The following COPB1 variants were observed in gnomAD, a reference collection of about 807,000 sequenced individuals.
COPB1 encodes the protein coat protein complex I subunit beta 1, also known as coatomer subunit beta.
COPB1 carries 21 observed loss-of-function variants against 108.7 expected under a neutral mutation model. The ratio of observed to expected loss-of-function variants is 0.19; its 90% CI spans 0.14 to 0.28. The LOEUF is 0.28. COPB1 is among the 10% of genes least tolerant of loss of function. The pLI, the probability that COPB1 is intolerant of heterozygous loss-of-function variation, is 1.00. For synonymous variants in COPB1, 378 were observed against 386.8 expected, an observed-to-expected ratio of 0.98 and a Z score of 0.27; for missense variants, 919 against 1,141.3, an observed-to-expected ratio of 0.81 and a Z score of 2.81.
chr11:14,468,894 T>G, intron 15 of COPB1, 34 bp from the exon 16 acceptor site: 1 of 1,567,464 alleles, frequency 6.4e-7, no homozygotes, highest in Non-Finnish European at 8.7e-7. Flanking sequence ...CTCTCTTTAA[T>G]ATGAAAAGAT....
chr11:14,468,972 A>G (rs1370959969), intron 15 of COPB1, 112 bp from the exon 16 acceptor site: 7 of 893,954 alleles, frequency 7.8e-6, no homozygotes, highest in Non-Finnish European at 1.2e-5. Flanking sequence ...CAAAACAACA[A>G]GAAAACCCAC....
chr11:14,494,013 A>G (rs1430757445), intron 3 of COPB1, among the ~76,000 whole-genome samples, 197 bp downstream of exon 3: 1 of 152,182 alleles, frequency 6.6e-6, no homozygotes, highest in Non-Finnish European at 1.5e-5. Flanking sequence ...TTTTTAATTA[A>G]TATATACACA....
Position 14,474,560 on chromosome 11 carries a change from C to A in COPB1, c.1672G>T (p.Ala558Ser), listed in dbSNP as rs745568272. 3.1e-6 allele frequency: 5 copies of A among 1,613,914 alleles called. No homozygotes were observed. The African/African-American group carries it at 6.7e-5, about 22-fold the overall frequency. The part of the protein sequence containing the change: ...DGDFFVAASL[A>S]TTLTKIALRY... ...AATGCAATCTTGGTCAGAGTTGTGG[C>A]AAGGGAGGCAGCAACAAAGAAATCT... The change falls in exon 14 of 22, where the codon GCC (alanine) becomes TCC (serine). Residue 558 changes from alanine (A) to serine (S), a missense_variant. By Grantham distance (99) the Ala-to-Ser change is moderately conservative. Around this residue, in one of 5 missense-constraint regions of COPB1, gnomAD observed 705 missense variants for 817.8 expected, o/e 0.86. Coordinates refer to ENST00000439561, the MANE Select transcript of COPB1 (RefSeq NM_001144061.2).
chr11:14,470,944 ACTCT>A lies in COPB1; in HGVS notation c.1738-1385_1738-1382del, dbSNP rs1162965849. Among the ~76,000 whole-genome samples, 99 of 90,204 alleles carry A rather than the reference ACTCT, an allele frequency of 1.1e-3. 1 individual carries two copies. Among genetic ancestry groups the A allele is most frequent in the Non-Finnish European group, 1.8e-3 (83 of 45,626 alleles). 59.2% of individuals were successfully genotyped at this position (90,204 alleles called of 152,430 possible). A position where few individuals can be genotyped will look rare whatever the true frequency, so the allele number is the denominator to read the frequency against. On this transcript the variant is annotated intron_variant, in intron 14 of 21. Coordinates refer to ENST00000439561, the MANE Select transcript of COPB1 (RefSeq NM_001144061.2). ...CACACACACACACACACACACACAC[ACTCT>A]CTCTCTCTCTACACCCAGGGAGATA... is the stretch of plus-strand genomic sequence containing the variant.
At chr11:14,475,083 G>T (rs1850491131) in intron 13 of COPB1, among the ~76,000 whole-genome samples, 1 of 90,772 alleles carries the variant, frequency 1.1e-5, no homozygotes, top group Non-Finnish European at 1.9e-5. Context: ...GACAGAGCAA[G>T]ACTCTGTGTC....
chr11:14,497,666 A>G (rs1170777304), intron 2 of COPB1, among the ~76,000 whole-genome samples: 1 of 152,252 alleles, frequency 6.6e-6, no homozygotes, highest in Non-Finnish European at 1.5e-5. Flanking sequence ...GGGGTACCAT[A>G]CGATTCAGCA....
chr11:14,479,149 T>C (rs925968271), intron 11 of COPB1, among the ~76,000 whole-genome samples: 1 of 152,160 alleles, frequency 6.6e-6, no homozygotes, highest in Non-Finnish European at 1.5e-5. Flanking sequence ...ATGCTTTAAA[T>C]GAAGCAAAAT....
intron 2 of COPB1, 46 bp from the exon 3 acceptor site, chr11:14,494,485 A>G: frequency 9.1e-7 from 1 of 1,099,942 alleles, no homozygotes; most frequent in South Asian, 1.4e-5. Context: ...ATTTCAAAAG[A>G]AAATTCATCA....
At chr11:14,487,054 C>T (rs1197281153) in intron 6 of COPB1, among the ~76,000 whole-genome samples, 2 of 152,070 alleles carry the variant, frequency 1.3e-5, no homozygotes, top group African/African-American at 2.4e-5. Context: ...GTTTTTCAAG[C>T]AAGAAAGATA....
At chr11:14,493,566 C>A in intron 4 of COPB1, 76 bp downstream of exon 4, 1 of 1,282,932 alleles carries the variant, frequency 7.8e-7, no homozygotes, top group Non-Finnish European at 1.0e-6. Context: ...AGTCTGCAAG[C>A]AACCACTTTG....
chr11:14,470,055 T>C (rs2597196), intron 14 of COPB1, among the ~76,000 whole-genome samples: 101,278 of 152,110 alleles, frequency 0.67, 33,919 homozygotes, highest in African/African-American at 0.7. Flanking sequence ...CATTTTCTCA[T>C]CTGAAAAATT....
intron 13 of COPB1, among the ~76,000 whole-genome samples, chr11:14,475,293 C>T (rs1392838807): frequency 6.6e-6 from 1 of 152,074 alleles, no homozygotes; most frequent in Non-Finnish European, 1.5e-5. Flanking sequence ...TATATTCTAT[C>T]TCAAAGGCTT....
chr11:14,463,698 C>T (rs1487587817), intron 18 of COPB1, among the ~76,000 whole-genome samples: 6 of 152,152 alleles, frequency 3.9e-5, no homozygotes, highest in Non-Finnish European at 5.9e-5. Context: ...ACTTTAATAC[C>T]GAACCTGCTC....
chr11:14,474,273 T>C (rs935657423), intron 14 of COPB1: 23 of 328,210 alleles, frequency 7.0e-5, no homozygotes, highest in African/African-American at 3.7e-4. Context: ...GACATTGTTA[T>C]TGTATTACTT....
intron 2 of COPB1, among the ~76,000 whole-genome samples, chr11:14,495,480 T>A (rs139793495): frequency 6.6e-6 from 1 of 152,196 alleles, no homozygotes; most frequent in South Asian, 2.1e-4. Flanking sequence ...GAGCGTCAGA[T>A]GCGGTGGTTC....
Position 14,478,019 on chromosome 11 carries a change from C to A in COPB1, c.1359-1004G>T, listed in dbSNP as rs7936938. ...AGCTTCTGTCTCAATAACAAAAAAA[C>A]AAAAAACAAAAACCAACAAGATTCT... On this transcript the variant is annotated intron_variant, in intron 11 of 21. Coordinates refer to ENST00000439561, the MANE Select transcript of COPB1 (RefSeq NM_001144061.2). Among the ~76,000 whole-genome samples, 322 of 106,412 alleles carry A rather than the reference C, an allele frequency of 3.0e-3. 4 individuals are homozygous for A. Among genetic ancestry groups the A allele is most frequent in the Middle Eastern group, 0.023 (5 of 220 alleles). 69.8% of individuals were successfully genotyped at this position (106,412 alleles called of 152,430 possible).
At chr11:14,461,605 G>C (rs1275996977) in intron 18 of COPB1, among the ~76,000 whole-genome samples, 1 of 152,172 alleles carries the variant, frequency 6.6e-6, no homozygotes, top group African/African-American at 2.4e-5. Flanking sequence ...ACTGATAAGT[G>C]GTGGGGATAG....
chr11:14,486,301 C>G (rs1708022125), intron 7 of COPB1, 66 bp downstream of exon 7: 1 of 1,573,940 alleles, frequency 6.4e-7, no homozygotes, highest in Non-Finnish European at 8.7e-7. Flanking sequence ...TGAAATGTCA[C>G]TAAATCATGA....
chr11:14,482,908 C>A, intron 8 of COPB1, 124 bp downstream of exon 8: 4 of 797,568 alleles, frequency 5.0e-6, no homozygotes, highest in Non-Finnish European at 5.6e-6. Context: ...AACACTTTAG[C>A]TGATCAAAAT....
Sources: gnomAD v4.1 joint callset for allele counts (sites outside exome capture counted in the v4.1 genomes callset) on GRCh38, gnomAD v4.1.1 for gene constraint, gnomAD v4.1.1 regional missense constraint, MANE v1.5 for transcripts, NCBI Gene and HGNC (gene_info 2026-07-23, HGNC 2026-07-21) for gene names.